RCAN3: variants seen among roughly 807,000 people sequenced by gnomAD.
RCAN3 encodes the protein calcipressin-3.
Under a neutral mutation model 21.9 loss-of-function variants are expected in RCAN3, and 19 were observed. The observed-to-expected ratio is 0.87, with a 90% CI of 0.61 to 1.27. The LOEUF is 1.27. RCAN3 is among the 50% of genes most tolerant of loss of function. The pLI is 0.00. For missense variants in RCAN3, 240 were observed against 300.1 expected (o/e 0.80, Z 1.48); for synonymous variants, 114 against 112.3 (o/e 1.01, Z -0.09).
At chr1:24,510,217 A>G (rs928653149) in intron 1 of RCAN3, among the ~76,000 whole-genome samples, 3 of 144,446 alleles carry the variant, frequency 2.1e-5, no homozygotes, top group Non-Finnish European at 3.1e-5. Context: ...CATTGGCTTT[A>G]ACTTAAAGTC....
intron 1 of RCAN3, chr1:24,507,602 T>C (rs1345892286): frequency 6.6e-6 from 1 of 152,228 alleles, no homozygotes; most frequent in Admixed American, 6.5e-5. Context: ...CTGTAAGAGC[T>C]AAGTCCACCT....
At chr1:24,507,476 T>G (rs1339540267) in intron 1 of RCAN3, 1 of 152,254 alleles carries the variant, frequency 6.6e-6, no homozygotes, top group African/African-American at 2.4e-5. Flanking sequence ...AAGCATACAC[T>G]GTGAGCGGGA....
chr1:24,532,034 T>TA (rs892688635), intron 3 of RCAN3, among the ~76,000 whole-genome samples: 22 of 147,440 alleles, frequency 1.5e-4, no homozygotes, highest in Non-Finnish European at 2.6e-4. Flanking sequence ...CCTTACAAAT[T>TA]AAAAAAAAAA....
chr1:24,517,524 T>C (rs1648439957), intron 2 of RCAN3, among the ~76,000 whole-genome samples: 1 of 152,220 alleles, frequency 6.6e-6, no homozygotes, highest in Non-Finnish European at 1.5e-5. Context: ...ATTTGGGGAT[T>C]ATATCTAACG....
At chr1:24,515,199 C>G (rs1266454377) in intron 2 of RCAN3, among the ~76,000 whole-genome samples, 2 of 152,044 alleles carry the variant, frequency 1.3e-5, no homozygotes, top group African/African-American at 4.8e-5. Flanking sequence ...TTAAAGAAAA[C>G]CTGGGGATCT....
intron 2 of RCAN3, among the ~76,000 whole-genome samples, chr1:24,528,262 AAAAAAGAAAAAAAG>A (rs990924383): frequency 1.4e-5 from 2 of 138,588 alleles, no homozygotes; most frequent in African/African-American, 6.8e-5. Flanking sequence ...AAGAAAAAAA[AAAAAAGAAAAAAAG>A]AAAAAGGAAA....
In RCAN3 at chr1:24,523,401, T is replaced by C. The variant is rs187735258; in HGVS notation, c.196-7817T>C. Among the ~76,000 whole-genome samples the C allele has an allele frequency of 4.5e-3, 684 of 152,206 alleles. 5 individuals carry two copies. Among genetic ancestry groups the C allele is most frequent in the African/African-American group, 0.015 (639 of 41,516 alleles). On this transcript the variant is annotated intron_variant, in intron 2 of 4. Coordinates refer to ENST00000374395, the MANE Select transcript of RCAN3 (RefSeq NM_013441.4). ...TTTAGAACGGAATCTACATAAAAGC[T>C]GTTAGAACGAATAAGTGAGTTTAGG...
At chr1:24,531,901 T>G (rs1230237599) in intron 3 of RCAN3, among the ~76,000 whole-genome samples, 1 of 152,220 alleles carries the variant, frequency 6.6e-6, no homozygotes, top group Non-Finnish European at 1.5e-5. Context: ...CTTAGTATAT[T>G]CTAATCCTGC....
intron 2 of RCAN3, among the ~76,000 whole-genome samples, chr1:24,518,763 A>ATTATTTATTTAT (rs57153313): frequency 6.6e-6 from 1 of 150,392 alleles, no homozygotes; most frequent in African/African-American, 2.5e-5. Context: ...CAGCTAATTT[A>ATTATTTATTTAT]TTATTTATTT....
rs1261947289 is a variant in RCAN3 at position 24,535,383 on chromosome 1, G to A, written c.*106G>A. 6 of 1,295,080 alleles carry A rather than the reference G, an allele frequency of 4.6e-6. No homozygotes were observed. The highest frequency in any genetic ancestry group is 5.6e-5 in the East Asian group (2 of 35,584). 80.2% of individuals were successfully genotyped at this position (1,295,080 alleles called of 1,614,324 possible). On this transcript the variant is annotated 3_prime_UTR_variant, in exon 5 of 5. Coordinates refer to ENST00000374395, the MANE Select transcript of RCAN3 (RefSeq NM_013441.4). ...CGAACAGCATAGGTGAGACTCTGCC[G>A]AGTGAGGTATAGGTCTTCTCACCAC... is the stretch of plus-strand genomic sequence containing the variant.
chr1:24,504,145 A>C (rs1167467111), intron 1 of RCAN3, among the ~76,000 whole-genome samples: 3 of 152,150 alleles, frequency 2.0e-5, no homozygotes, highest in Non-Finnish European at 4.4e-5. Context: ...TCAGCTTTAC[A>C]TTTTACTGCA....
At chr1:24,503,242 C>T (rs1470763076) in intron 1 of RCAN3, 92 bp downstream of exon 1, 4 of 149,312 alleles carry the variant, frequency 2.7e-5, no homozygotes, top group Non-Finnish European at 5.9e-5. Context: ...AAAAAAGCCG[C>T]CCCGAGAAGT....
At chr1:24,516,232 T>C (rs926533017) in intron 2 of RCAN3, among the ~76,000 whole-genome samples, 3 of 151,888 alleles carry the variant, frequency 2.0e-5, no homozygotes, top group African/African-American at 7.3e-5. Flanking sequence ...TGGGAGGCTG[T>C]GGCGGGCAGA....
At chr1:24,516,512 C>T (rs1442587552) in intron 2 of RCAN3, among the ~76,000 whole-genome samples, 3 of 152,012 alleles carry the variant, frequency 2.0e-5, no homozygotes, top group Admixed American at 6.6e-5. Context: ...TGGGCCATTT[C>T]GGGAGTAGCA....
At chr1:24,526,868 G>A (rs1649314569) in intron 2 of RCAN3, among the ~76,000 whole-genome samples, 1 of 152,034 alleles carries the variant, frequency 6.6e-6, no homozygotes, top group Non-Finnish European at 1.5e-5. Flanking sequence ...CTTTAAAAGC[G>A]ACAAAGCTAG....
chr1:24,536,383 T>C lies in RCAN3; in HGVS notation c.*1106T>C, dbSNP rs188415375. ...AGTTTTACTTTTCTTTTTGTTGAAA[T>C]TTTGTACCCGGATTGCAGTTGGCAC... On this transcript the variant is annotated 3_prime_UTR_variant, in exon 5 of 5. Transcript: ENST00000374395. 9.2e-5 allele frequency: 14 copies of C among 152,328 alleles called. No homozygotes were observed. Among genetic ancestry groups the C allele is most frequent in the African/African-American group, 3.4e-4 (14 of 41,576 alleles). 9.4% of individuals were successfully genotyped at this position (152,328 alleles called of 1,614,324 possible). A position where few individuals can be genotyped will look rare whatever the true frequency, so the allele number is the denominator to read the frequency against.
chr1:24,518,425 T>A (rs1400285237), intron 2 of RCAN3, among the ~76,000 whole-genome samples: 1 of 152,192 alleles, frequency 6.6e-6, no homozygotes, highest in Non-Finnish European at 1.5e-5. Flanking sequence ...TCTTTCAATG[T>A]ATATTTCTCA....
At chr1:24,506,785 A>T (rs1647476510) in intron 1 of RCAN3, among the ~76,000 whole-genome samples, 1 of 150,260 alleles carries the variant, frequency 6.7e-6, no homozygotes, top group Non-Finnish European at 1.5e-5. Context: ...CAGGTGAAGG[A>T]TTATTTCCTG....
intron 2 of RCAN3, among the ~76,000 whole-genome samples, chr1:24,517,810 G>C (rs999938812): frequency 2.7e-5 from 4 of 149,906 alleles, no homozygotes; most frequent in African/African-American, 9.8e-5. Flanking sequence ...CTGGGCAACA[G>C]AGTGAGACCT....
Sources: gnomAD v4.1 joint callset for allele counts (sites outside exome capture counted in the v4.1 genomes callset) on GRCh38, gnomAD v4.1.1 for gene constraint, MANE v1.5 for transcripts, NCBI Gene and HGNC (gene_info 2026-07-23, HGNC 2026-07-21) for gene names.